DNASE1: variants seen among roughly 807,000 people sequenced by gnomAD.
DNASE1 encodes the protein deoxyribonuclease 1, also known as deoxyribonuclease-1.
DNASE1 carries 40 observed loss-of-function variants against 33.9 expected under a neutral mutation model. The ratio of observed to expected loss-of-function variants is 1.18; its 90% CI spans 0.92 to 1.54. The LOEUF (loss-of-function observed/expected upper bound fraction) is 1.54, where lower values mean the gene tolerates loss of function less well. DNASE1 is among the 40% of genes most tolerant of loss of function. The probability of loss-of-function intolerance (pLI) is 0.00; values close to 1 mark genes in which losing one functional copy is unlikely to be tolerated. For missense variants in DNASE1, 518 were observed against 372.6 expected (o/e 1.39, Z -3.21); for synonymous variants, 216 against 160.0 (o/e 1.35, Z -2.64).
chr16:3,632,888 A>G (rs2041743013), intron 1 of DNASE1, among the ~76,000 whole-genome samples: 1 of 152,126 alleles, frequency 6.6e-6, no homozygotes, highest in South Asian at 2.1e-4. Flanking sequence ...GCCCAGCCTC[A>G]TCTCTTTAAT....
Position 3,664,408 on chromosome 16 carries a change from G to GT in DNASE1, c.*6455_*6456insT. 3 of 1,611,730 alleles carry GT rather than the reference G, an allele frequency of 1.9e-6. No individual in the cohort carries two copies. In the South Asian group the frequency reaches 3.3e-5, roughly 18 times the overall value. The stretch of plus-strand genomic sequence containing the variant: ...GCGTATTCTGAGAGGCTGGTTAGCT[G>GT]CCCGGAGGGCAGCGCCGAGGACTCG... On this transcript the variant is annotated 3_prime_UTR_variant, in exon 10 of 10. Coordinates refer to the DNASE1 transcript ENST00000407479.
intron 1 of DNASE1, among the ~76,000 whole-genome samples, chr16:3,635,449 C>G (rs1321368907): frequency 8.4e-5 from 11 of 130,894 alleles, no homozygotes; most frequent in Non-Finnish European, 1.7e-4. Flanking sequence ...CAGAGCCAGA[C>G]TCTGTCTCAA....
intron 1 of DNASE1, among the ~76,000 whole-genome samples, chr16:3,636,256 T>C (rs1386538270): frequency 6.6e-6 from 1 of 152,054 alleles, no homozygotes; most frequent in Non-Finnish European, 1.5e-5. Context: ...TTAGTTTTTT[T>C]TGTTTCTAGC....
chr16:3,656,834 T>G, intron 5 of DNASE1, 81 bp downstream of exon 5: 1 of 1,542,638 alleles, frequency 6.5e-7, no homozygotes, highest in African/African-American at 1.4e-5. Context: ...GGAATGCCTG[T>G]GTCACACACT....
Position 3,656,169 on chromosome 16 carries a change from T to C in DNASE1, c.304T>C (p.Tyr102His), listed in dbSNP as rs776281553. 6.2e-7 allele frequency: 1 copy of C among 1,613,982 alleles called. No homozygotes were observed. Among genetic ancestry groups the C allele is most frequent in the Non-Finnish European group, 8.5e-7 (1 of 1,179,926 alleles). Residue 102 changes from tyrosine (Y) to histidine (H), a missense_variant, in exon 4 of 9, where the codon TAC becomes CAC. Tyr to His is a moderately conservative substitution (Grantham distance 83). Transcript: ENST00000246949. ...PLGRNSYKER[Y>H]LFVYRPDQVS... The stretch of plus-strand genomic sequence containing the variant: ...GGGACGGAACAGCTATAAGGAGCGC[T>C]ACCTGTTCGTGTACAGGTGGGTGGT...
chr16:3,664,369 C>T (rs777291656), exon 10 of DNASE1: 9 of 1,612,818 alleles, frequency 5.6e-6, no homozygotes, highest in African/African-American at 2.7e-5. Context: ...CGGGTGCCGG[C>T]CCGCATGCGG....
chr16:3,648,829 T>G (rs1596624612), intron 1 of DNASE1, among the ~76,000 whole-genome samples: 3 of 152,368 alleles, frequency 2.0e-5, no homozygotes, highest in Middle Eastern at 3.4e-3. Context: ...TTATAGGATC[T>G]AAGGTCCATA....
chr16:3,656,455 A>G (rs2042634961), intron 4 of DNASE1, among the ~76,000 whole-genome samples, 183 bp from the exon 5 acceptor site: 1 of 111,618 alleles, frequency 9.0e-6, no homozygotes, highest in Non-Finnish European at 1.8e-5. Flanking sequence ...TCCCGGACCA[A>G]TGGGTTGAGC....
chr16:3,663,593 C>A (rs1352317568), exon 10 of DNASE1: 1 of 1,611,798 alleles, frequency 6.2e-7, no homozygotes, highest in South Asian at 1.1e-5. Flanking sequence ...CTCCATCAGA[C>A]CCCGGGGGCC....
upstream of DNASE1, chr16:3,650,623 AAAG>A (rs987037987): frequency 4.4e-5 from 6 of 137,092 alleles, no homozygotes; most frequent in Non-Finnish European, 9.5e-5. Flanking sequence ...AAAAAAAAGA[AAAG>A]AAAAAGAAAT....
chr16:3,637,185 A>G (rs2041894707), intron 1 of DNASE1, among the ~76,000 whole-genome samples: 1 of 152,004 alleles, frequency 6.6e-6, no homozygotes, highest in African/African-American at 2.4e-5. Context: ...TGAGTTTTTT[A>G]GTTTATCTGG....
downstream of DNASE1, chr16:3,660,464 C>A (rs539335419): frequency 2.6e-5 from 4 of 151,434 alleles, no homozygotes; most frequent in African/African-American, 9.7e-5. Context: ...CAGAGCAAGA[C>A]CCTGTCTCCA....
chr16:3,614,780 A>G (rs1347477009), intron 1 of DNASE1, among the ~76,000 whole-genome samples: 1 of 152,242 alleles, frequency 6.6e-6, no homozygotes, highest in African/African-American at 2.4e-5. Context: ...ATCATAGGAT[A>G]CAGAAAATTT....
downstream of DNASE1, chr16:3,662,595 C>G: frequency 1.6e-6 from 1 of 624,456 alleles, no homozygotes; most frequent in South Asian, 1.6e-5. Flanking sequence ...TTGTTTGGAA[C>G]CCCCACGTCC....
intron 1 of DNASE1, among the ~76,000 whole-genome samples, chr16:3,636,932 T>C (rs2151185813): frequency 6.6e-6 from 1 of 151,704 alleles, no homozygotes; most frequent in Non-Finnish European, 1.5e-5. Flanking sequence ...GAGACCAGCC[T>C]GATCAACATG....
chr16:3,663,306 G>A (rs1023203576), exon 10 of DNASE1: 18 of 1,372,730 alleles, frequency 1.3e-5, no homozygotes, highest in Middle Eastern at 2.2e-4. Flanking sequence ...GGCTCTTCTC[G>A]GGGGTGGCTG....
chr16:3,648,110 A>T (rs183637078), intron 1 of DNASE1, among the ~76,000 whole-genome samples: 77 of 152,284 alleles, frequency 5.1e-4, no homozygotes, highest in Non-Finnish European at 3.4e-4. Flanking sequence ...CGGAGGTTGC[A>T]GTGAGCCATG....
chr16:3,656,604 T>C (rs1388726686), intron 4 of DNASE1, 34 bp from the exon 5 acceptor site: 1 of 1,571,150 alleles, frequency 6.4e-7, no homozygotes, highest in Non-Finnish European at 8.7e-7. Flanking sequence ...GCTTCCAGCC[T>C]GGGGTCACCT....
At position 3,634,623 on chromosome 16, in the gene DNASE1, C is replaced by A. The variant is rs188699805; in HGVS notation, c.-1358-6092C>A. On this transcript the variant is annotated intron_variant and NMD_transcript_variant, in intron 1 of 11. Transcript: ENST00000570769. ...CTCCAGGGCTCAAATGATCCTCCTG[C>A]TTCAGCCCCTCAAGTAGCTGAGACG... is the stretch of plus-strand genomic sequence containing the variant. 1.6e-3 allele frequency among the ~76,000 whole-genome samples: 245 copies of A among 152,268 alleles called. 5 individuals are homozygous for A. The Middle Eastern group carries it at 0.017, about 11-fold the overall frequency.
Sources: gnomAD v4.1 joint callset for allele counts (sites outside exome capture counted in the v4.1 genomes callset) on GRCh38, gnomAD v4.1.1 for gene constraint, MANE v1.5 for transcripts, NCBI Gene and HGNC (gene_info 2026-07-23, HGNC 2026-07-21) for gene names.